The following ZNF560 variants were observed in gnomAD, a reference collection of about 807,000 sequenced individuals.
ZNF560 encodes the protein zinc finger protein 560.
ZNF560 carries 54 observed loss-of-function variants against 81.8 expected under a neutral mutation model. That is an observed-to-expected ratio of 0.66 (90% CI 0.53 to 0.83). The LOEUF (loss-of-function observed/expected upper bound fraction) is 0.83, where lower values mean the gene tolerates loss of function less well. ZNF560 is among the 40% of genes least tolerant of loss of function. The pLI is 0.00. For synonymous variants in ZNF560, 321 were observed against 317.9 expected (o/e 1.01, Z -0.10); for missense variants, 940 against 932.4 (o/e 1.01, Z -0.11).
At chr19:9,483,688 G>A (rs562087704) in intron 2 of ZNF560, among the ~76,000 whole-genome samples, 2,973 of 147,078 alleles carry the variant, frequency 0.02, 100 homozygotes, top group African/African-American at 0.071. Flanking sequence ...GGGCGCCTCC[G>A]CCCGGCCGCC....
chr19:9,475,459 CTCTTA>C, intron 2 of ZNF560, 90 bp from the exon 3 acceptor site: 1 of 693,694 alleles, frequency 1.4e-6, no homozygotes, highest in South Asian at 1.8e-5. Context: ...GTTCGAAATT[CTCTTA>C]TAATTCATAT....
the ZNF560 span, among the ~76,000 whole-genome samples, chr19:9,505,422 T>C: frequency 6.6e-6 from 1 of 152,252 alleles, no homozygotes; most frequent in South Asian, 2.1e-4. Flanking sequence ...ATAAAGTGAA[T>C]TTCTTGTAGA....
the ZNF560 span, among the ~76,000 whole-genome samples, chr19:9,458,589 T>C: frequency 9.2e-5 from 14 of 152,250 alleles, no homozygotes; most frequent in African/African-American, 3.4e-4. Context: ...ATTTACCCAA[T>C]TGCAAACAGC....
downstream of ZNF560, among the ~76,000 whole-genome samples, chr19:9,464,152 C>T (rs988763155): frequency 2.3e-4 from 35 of 152,048 alleles, no homozygotes; most frequent in African/African-American, 8.2e-4. Flanking sequence ...GCAGCTTGTG[C>T]GTGTGTGTGT....
chr19:9,490,789 C>G (rs566766891), intron 2 of ZNF560, among the ~76,000 whole-genome samples: 3 of 152,266 alleles, frequency 2.0e-5, no homozygotes, highest in South Asian at 2.1e-4. Context: ...GGCCAAAAAC[C>G]TGATAAGAGT....
chr19:9,457,073 G>A, the ZNF560 span, among the ~76,000 whole-genome samples: 387 of 152,310 alleles, frequency 2.5e-3, 2 homozygotes, highest in African/African-American at 9.1e-3. Context: ...AGTGGCCGCT[G>A]AGTAAAGAGA....
the ZNF560 span, among the ~76,000 whole-genome samples, chr19:9,453,728 C>T: frequency 1.3e-5 from 2 of 152,236 alleles, no homozygotes; most frequent in East Asian, 3.9e-4. Context: ...CATTCCAAAA[C>T]ATGAAAATAA....
chr19:9,453,144 A>G, the ZNF560 span, among the ~76,000 whole-genome samples: 3 of 152,140 alleles, frequency 2.0e-5, no homozygotes, highest in African/African-American at 7.2e-5. Context: ...GAGACACAAG[A>G]GTGTTTGCTG....
the ZNF560 span, among the ~76,000 whole-genome samples, chr19:9,448,295 G>A: frequency 9.9e-5 from 15 of 151,264 alleles, no homozygotes; most frequent in Admixed American, 7.9e-4. Context: ...GCAATGACAC[G>A]ATCTTGGCTC....
Position 9,466,927 on chromosome 19 carries a change from G to A in ZNF560, c.2020C>T (p.His674Tyr), listed in dbSNP as rs751181070. ...TTCTCTGCTGCATGAGTTTTTAAGTGTTGAGTTAGTACACAAGACCTACTG... is the reference window on the plus strand; with the variant it reads ...TTCTCTGCTGCATGAGTTTTTAAGTATTGAGTTAGTACACAAGACCTACTG... ...AYSRSCVLTQ[H>Y]LKTHAAEKTS... is the part of the protein sequence containing the mutation. The change falls in exon 10 of 10, where the codon CAC (histidine) becomes TAC (tyrosine). Residue 674 changes from histidine to tyrosine, a missense_variant. Transcript: ENST00000301480. The A allele has an allele frequency of 1.9e-6, 3 of 1,614,070 alleles. No homozygotes were observed. Among genetic ancestry groups the A allele is most frequent in the Admixed American group, 1.7e-5 (1 of 60,024 alleles).
At chr19:9,458,601 G>T in the ZNF560 span, among the ~76,000 whole-genome samples, 6 of 152,352 alleles carry the variant, frequency 3.9e-5, no homozygotes, top group African/African-American at 1.4e-4. Flanking sequence ...GCAAACAGCA[G>T]TTAGGAGTAG....
downstream of ZNF560, among the ~76,000 whole-genome samples, chr19:9,462,397 G>T (rs987092149): frequency 6.6e-6 from 1 of 152,206 alleles, no homozygotes; most frequent in African/African-American, 2.4e-5. Context: ...TCTCCTTAAA[G>T]AATACTTTCA....
chr19:9,472,598 A>T (rs2073140027), intron 5 of ZNF560, among the ~76,000 whole-genome samples: 1 of 152,320 alleles, frequency 6.6e-6, no homozygotes, highest in African/African-American at 2.4e-5. Flanking sequence ...CATCACCCCC[A>T]GATCCCCAAA....
chr19:9,455,659 T>C, the ZNF560 span, among the ~76,000 whole-genome samples: 1 of 152,198 alleles, frequency 6.6e-6, no homozygotes, highest in Non-Finnish European at 1.5e-5. Flanking sequence ...AAAAAGGTGA[T>C]TGCAGATTCA....
At chr19:9,452,038 T>G in the ZNF560 span, among the ~76,000 whole-genome samples, 49 of 151,888 alleles carry the variant, frequency 3.2e-4, 1 homozygote, top group Non-Finnish European at 2.6e-4. Context: ...ATTGTGCCAC[T>G]GCGCTCCAGC....
the ZNF560 span, among the ~76,000 whole-genome samples, chr19:9,446,436 C>T: frequency 2.0e-5 from 3 of 150,638 alleles, no homozygotes; most frequent in South Asian, 6.3e-4. Context: ...TCTCTTGTTA[C>T]TTCTGGTTTC....
chr19:9,473,559 C>A (rs1277907440), intron 4 of ZNF560, among the ~76,000 whole-genome samples: 1 of 148,380 alleles, frequency 6.7e-6, no homozygotes, highest in East Asian at 2.0e-4. Flanking sequence ...TCCTGGACAA[C>A]AAGAGCAAAA....
At chr19:9,486,592 G>C (rs1220144212) in intron 2 of ZNF560, among the ~76,000 whole-genome samples, 1 of 151,944 alleles carries the variant, frequency 6.6e-6, no homozygotes, top group Non-Finnish European at 1.5e-5. Context: ...AGACAAAAAT[G>C]AGCCAAGCGT....
Position 9,468,337 on chromosome 19 carries a change from G to A in ZNF560, c.613-3C>T, listed in dbSNP as rs1424429728. On this transcript the variant is annotated splice_polypyrimidine_tract_variant and splice_region_variant and intron_variant, in intron 9 of 9. Coordinates refer to ENST00000301480, the MANE Select transcript of ZNF560 (RefSeq NM_152476.3). ...TCCTCTCCATTTTGGTTTCTTGCCT[G>A]TTAACACAGGAATGAACAATAAAGG... The A allele has an allele frequency of 2.5e-6, 4 of 1,580,074 alleles. No homozygotes were observed. In the Admixed American group the frequency reaches 5.6e-5, roughly 22 times the overall value.
Sources: allele counts gnomAD v4.1 joint callset (sites outside exome capture counted in the v4.1 genomes callset), GRCh38; gene constraint gnomAD v4.1.1; transcripts MANE v1.5; gene names NCBI Gene and HGNC (gene_info 2026-07-23, HGNC 2026-07-21).